GPR176: variants seen among roughly 807,000 people sequenced by gnomAD.
GPR176 encodes the protein G-protein coupled receptor 176.
In GPR176, 26 loss-of-function variants were observed where a neutral mutation model predicts 35.4. The observed-to-expected ratio is 0.74, with a 90% CI of 0.54 to 1.02. The LOEUF (loss-of-function observed/expected upper bound fraction) is 1.02, where lower values mean the gene tolerates loss of function less well. Among genes scored for constraint, GPR176 ranks in the 50% least tolerant of loss-of-function variants. The pLI, the probability that GPR176 is intolerant of heterozygous loss-of-function variation, is 0.00. For synonymous variants in GPR176, 278 were observed against 271.3 expected, an observed-to-expected ratio of 1.02 and a Z score of -0.24; for missense variants, 597 against 665.3, an observed-to-expected ratio of 0.90 and a Z score of 1.13.
Position 39,799,729 on chromosome 15 carries a change from C to T in GPR176, c.*1403G>A, listed in dbSNP as rs1898739746. The T allele has an allele frequency of 2.0e-5, 3 of 152,262 alleles. No homozygotes were observed. Among genetic ancestry groups the T allele is most frequent in the African/African-American group, 7.2e-5 (3 of 41,454 alleles). 9.4% of individuals were successfully genotyped at this position (152,262 alleles called of 1,614,324 possible). On this transcript the variant is annotated 3_prime_UTR_variant, in exon 3 of 3. Coordinates refer to ENST00000561100, the MANE Select transcript of GPR176 (RefSeq NM_007223.3). ...ACTCTAGAGAAAAGGGCAGAGCTGG[C>T]GCTTGGTTTGTCCTCACTAACAGGG...
intron 1 of GPR176, among the ~76,000 whole-genome samples, chr15:39,881,454 G>A (rs759242585): frequency 4.5e-4 from 69 of 152,194 alleles, no homozygotes; most frequent in Non-Finnish European, 3.5e-4. Context: ...CAAGTGTCCA[G>A]TGGCGGGATT....
chr15:39,801,365 G>A lies in GPR176; in HGVS notation c.1315C>T (p.Pro439Ser), dbSNP rs1898840876. 1 of 1,614,070 alleles carries A rather than the reference G, an allele frequency of 6.2e-7. No individual in the cohort carries two copies. Among genetic ancestry groups the A allele is most frequent in the Admixed American group, 1.7e-5 (1 of 60,006 alleles). The change falls in exon 3 of 3, where the codon CCT (proline) becomes TCT (serine). Residue 439 changes from proline (P) to serine (S), a missense_variant. Physicochemically the swap from Pro to Ser is moderately conservative, Grantham distance 74. Around this residue, in one of 3 missense-constraint regions of GPR176, gnomAD observed 251 missense variants for 255.4 expected, o/e 0.98. Coordinates refer to ENST00000561100, the MANE Select transcript of GPR176 (RefSeq NM_007223.3). ...TCAGGGAATGTTTCAGGTTCCACAG[G>A]GGCTGCCGGTGCCACCTGGGATACA... is the stretch of plus-strand genomic sequence containing the variant. ...DSVSQVAPAAPVEPETFPDKY... is the reference protein window; with the variant it reads ...DSVSQVAPAASVEPETFPDKY...
Position 39,920,030 on chromosome 15 carries a change from G to T in GPR176, c.-4C>A. On this transcript the variant is annotated 5_prime_UTR_variant, in exon 1 of 3. Coordinates refer to ENST00000561100, the MANE Select transcript of GPR176 (RefSeq NM_007223.3). The stretch of plus-strand genomic sequence containing the variant: ...TCCAGCTCCCGTTATGTCCCATGGC[G>T]AGGCTGGGACTCCGGCTCCGCGCGC... 1 of 1,335,858 alleles carries T rather than the reference G, an allele frequency of 7.5e-7. No individual in the cohort carries two copies. Among genetic ancestry groups the T allele is most frequent in the Non-Finnish European group, 9.6e-7 (1 of 1,037,320 alleles). 82.8% of individuals were successfully genotyped at this position (1,335,858 alleles called of 1,614,324 possible). A position where few individuals can be genotyped will look rare whatever the true frequency, so the allele number is the denominator to read the frequency against.
chr15:39,810,037 C>T (rs1036269527), intron 1 of GPR176, among the ~76,000 whole-genome samples: 5 of 151,016 alleles, frequency 3.3e-5, no homozygotes, highest in South Asian at 2.1e-4. Context: ...ACCAGCTGCT[C>T]GGGAGGCTGA....
chr15:39,846,135 G>A (rs2030411084), intron 1 of GPR176, among the ~76,000 whole-genome samples: 1 of 152,092 alleles, frequency 6.6e-6, no homozygotes, highest in Non-Finnish European at 1.5e-5. Flanking sequence ...TTCCCTATTT[G>A]TCCCACTAAG....
In GPR176 at chr15:39,801,312, C is replaced by T; in HGVS notation, c.1368G>A (p.Gly456=). 1 of 1,614,156 alleles carries T rather than the reference C, an allele frequency of 6.2e-7. No homozygotes were observed. Among genetic ancestry groups the T allele is most frequent in the Non-Finnish European group, 8.5e-7 (1 of 1,180,004 alleles). The change falls in exon 3 of 3, where the codon GGG becomes GGA. Residue 456 remains glycine (G), a synonymous_variant. Coordinates refer to ENST00000561100, the MANE Select transcript of GPR176 (RefSeq NM_007223.3). ...GCCACTGAGGAGGCAACTCAAAAGG[C>T]CCAAAGCCAAACTGCAGGGAATACT... The part of the protein sequence containing the change: ...PDKYSLQFGF[G]PFELPPQWLS...
Position 39,919,841 on chromosome 15 carries a change from C to G in GPR176, c.172+14G>C. 1 of 1,391,986 alleles carries G rather than the reference C, an allele frequency of 7.2e-7. No homozygotes were observed. The highest frequency in any genetic ancestry group is 9.4e-7 in the Non-Finnish European group (1 of 1,067,710). The allele number at this position is 1,391,986 out of a possible 1,614,324, so 86.2% of individuals were successfully genotyped here. ...GGGGAGGCCCGGTCCGGAGGCGCCCCGCGGGAGGCTTACCGAGCAGCGAGC... is the reference window on the plus strand; with the variant it reads ...GGGGAGGCCCGGTCCGGAGGCGCCCGGCGGGAGGCTTACCGAGCAGCGAGC... On this transcript the variant is annotated intron_variant, in intron 1 of 2. Coordinates refer to ENST00000561100, the MANE Select transcript of GPR176 (RefSeq NM_007223.3).
intron 1 of GPR176, among the ~76,000 whole-genome samples, chr15:39,872,056 T>C (rs532821683): frequency 6.6e-6 from 1 of 152,344 alleles, no homozygotes; most frequent in African/African-American, 2.4e-5. Context: ...CCCACTGAGT[T>C]AGGCTCTATA....
chr15:39,891,811 C>G (rs12913155), intron 1 of GPR176, among the ~76,000 whole-genome samples: 66,730 of 151,902 alleles, frequency 0.44, 14,789 homozygotes, highest in African/African-American at 0.47. Flanking sequence ...TGCACTCCAG[C>G]CTGGATGACA....
chr15:39,869,468 C>A (rs2031965233), intron 1 of GPR176, among the ~76,000 whole-genome samples: 1 of 152,136 alleles, frequency 6.6e-6, no homozygotes, highest in South Asian at 2.1e-4. Flanking sequence ...TGTCTCAGCT[C>A]CCAGAGGTGC....
chr15:39,897,031 G>A (rs909145154), intron 1 of GPR176, among the ~76,000 whole-genome samples: 1 of 152,068 alleles, frequency 6.6e-6, no homozygotes, highest in African/African-American at 2.4e-5. Context: ...GTTCAGTCTG[G>A]AAAAATGCAT....
At chr15:39,820,641 T>C (rs1900211795) in intron 1 of GPR176, among the ~76,000 whole-genome samples, 1 of 152,224 alleles carries the variant, frequency 6.6e-6, no homozygotes. Flanking sequence ...AGGTAAGAAC[T>C]AAACTGGCAA....
chr15:39,848,833 T>C (rs1402384535), intron 1 of GPR176, among the ~76,000 whole-genome samples: 7 of 148,132 alleles, frequency 4.7e-5, no homozygotes, highest in Non-Finnish European at 1.0e-4. Context: ...GAGAGAGAAA[T>C]TTACACTACT....
intron 1 of GPR176, among the ~76,000 whole-genome samples, chr15:39,913,591 A>AGT (rs2140879874): frequency 6.6e-6 from 1 of 151,912 alleles, no homozygotes; most frequent in East Asian, 1.9e-4. Flanking sequence ...AAACTAAATG[A>AGT]GTGGTGATTG....
intron 1 of GPR176, among the ~76,000 whole-genome samples, chr15:39,852,959 C>T (rs1356360342): frequency 6.6e-6 from 1 of 152,110 alleles, no homozygotes; most frequent in Admixed American, 6.6e-5. Context: ...CTTGTACACT[C>T]TTGATAACAA....
chr15:39,846,696 TGAAA>T (rs1229383530), intron 1 of GPR176, among the ~76,000 whole-genome samples: 1 of 152,182 alleles, frequency 6.6e-6, no homozygotes, highest in Admixed American at 6.5e-5. Flanking sequence ...TTTCACGTGC[TGAAA>T]GAAAGCTTTC....
intron 1 of GPR176, among the ~76,000 whole-genome samples, chr15:39,887,798 G>A (rs943414761): frequency 2.0e-5 from 3 of 152,158 alleles, no homozygotes; most frequent in Admixed American, 2.0e-4. Flanking sequence ...TTCCAGAGGA[G>A]TATGTTGAAG....
chr15:39,888,537 T>C (rs1008737217), intron 1 of GPR176, among the ~76,000 whole-genome samples: 5 of 152,188 alleles, frequency 3.3e-5, no homozygotes, highest in African/African-American at 1.2e-4. Flanking sequence ...CAACTGATCC[T>C]CCTGCCTTGG....
intron 1 of GPR176, among the ~76,000 whole-genome samples, chr15:39,845,165 C>T (rs1385349255): frequency 6.6e-6 from 1 of 151,992 alleles, no homozygotes; most frequent in African/African-American, 2.4e-5. Context: ...CAGGTTCAGG[C>T]CCATAAGGTT....
Sources: allele counts gnomAD v4.1 joint callset (sites outside exome capture counted in the v4.1 genomes callset), GRCh38; gene constraint gnomAD v4.1.1; regional missense constraint gnomAD v4.1.1; transcripts MANE v1.5; gene names NCBI Gene and HGNC (gene_info 2026-07-23, HGNC 2026-07-21).